RABGAP1L: variants seen among roughly 807,000 people sequenced by gnomAD.
The protein encoded by RABGAP1L is RAB GTPase activating protein 1 like, also known as rab GTPase-activating protein 1-like.
In RABGAP1L, 63 loss-of-function variants were observed where a neutral mutation model predicts 137.7. The ratio of observed to expected loss-of-function variants is 0.46; its 90% CI spans 0.37 to 0.56. RABGAP1L has a LOEUF of 0.56. Ranked by LOEUF, RABGAP1L falls within the 20% of genes least tolerant of loss-of-function variation. The probability of loss-of-function intolerance (pLI) is 0.00; values close to 1 mark genes in which losing one functional copy is unlikely to be tolerated. For missense variants in RABGAP1L, 1,095 were observed against 1,244.0 expected (o/e 0.88, Z 1.80); for synonymous variants, 431 against 433.7 (o/e 0.99, Z 0.08).
intron 14 of RABGAP1L, among the ~76,000 whole-genome samples, chr1:174,642,449 A>G (rs1674602904): frequency 6.6e-6 from 1 of 152,188 alleles, no homozygotes; most frequent in Non-Finnish European, 1.5e-5. Context: ...ATGTAATCAT[A>G]CATTATTTAT....
rs201936174 is a variant in RABGAP1L at position 174,483,819 on chromosome 1, C to CAA, written c.1710+89687_1710+89688dup. Among the ~76,000 whole-genome samples, 630 of 132,960 alleles carry CAA rather than the reference C, an allele frequency of 4.7e-3. 1 individual carries two copies. Among genetic ancestry groups the CAA allele is most frequent in the Middle Eastern group, 0.013 (3 of 236 alleles). 87.2% of individuals were successfully genotyped at this position (132,960 alleles called of 152,430 possible). A position where few individuals can be genotyped will look rare whatever the true frequency, so the allele number is the denominator to read the frequency against. On this transcript the variant is annotated intron_variant, in intron 13 of 25. Transcript: ENST00000681986. ...ACCAGCCTGAGTGACAACTCCATCTCAAAAAAAAAAAAAATCTTGGTTATT... is the reference window on the plus strand; with the variant it reads ...ACCAGCCTGAGTGACAACTCCATCTCAAAAAAAAAAAAAAAATCTTGGTTATT...
At chr1:174,557,073 T>C (rs922006967) in intron 13 of RABGAP1L, among the ~76,000 whole-genome samples, 4 of 152,184 alleles carry the variant, frequency 2.6e-5, no homozygotes, top group African/African-American at 7.2e-5. Context: ...GCATGCAAAT[T>C]TCTGTGGCTG....
At chr1:174,383,325 G>A (rs1220394033) in intron 12 of RABGAP1L, among the ~76,000 whole-genome samples, 3 of 144,522 alleles carry the variant, frequency 2.1e-5, no homozygotes, top group Admixed American at 6.9e-5. Flanking sequence ...CACCCAGTTC[G>A]AGCTTCCTGG....
intron 12 of RABGAP1L, among the ~76,000 whole-genome samples, chr1:174,371,306 CT>C: frequency 6.6e-6 from 1 of 152,010 alleles, no homozygotes; most frequent in South Asian, 2.1e-4. Context: ...TAGAAGATGT[CT>C]TTGTCTTATT....
At chr1:174,515,500 G>A (rs4652511) in intron 13 of RABGAP1L, among the ~76,000 whole-genome samples, 53,463 of 145,136 alleles carry the variant, frequency 0.37, 12,627 homozygotes, top group African/African-American at 0.67. Context: ...ACAAGTTTTG[G>A]GAGATCTTAA....
intron 13 of RABGAP1L, among the ~76,000 whole-genome samples, chr1:174,625,796 G>A (rs1403157793): frequency 1.3e-5 from 2 of 152,090 alleles, no homozygotes; most frequent in Non-Finnish European, 2.9e-5. Flanking sequence ...ATTATAAACT[G>A]TAATAATTAG....
chr1:174,222,046 T>G (rs931395159), intron 3 of RABGAP1L, among the ~76,000 whole-genome samples: 1 of 150,960 alleles, frequency 6.6e-6, no homozygotes, highest in Non-Finnish European at 1.5e-5. Flanking sequence ...ACCAGGCCGG[T>G]CTTGAATTCC....
chr1:174,272,156 T>C (rs1434792128), intron 7 of RABGAP1L, among the ~76,000 whole-genome samples: 1 of 151,978 alleles, frequency 6.6e-6, no homozygotes, highest in African/African-American at 2.4e-5. Flanking sequence ...ATTAACAACT[T>C]ATGGCCACTT....
chr1:174,713,156 G>C (rs1373954000), intron 17 of RABGAP1L, among the ~76,000 whole-genome samples: 1 of 152,160 alleles, frequency 6.6e-6, no homozygotes. Context: ...CTCACTTCTA[G>C]AAGTAAAACA....
intron 11 of RABGAP1L, among the ~76,000 whole-genome samples, chr1:174,321,532 G>T (rs1484542916): frequency 6.6e-6 from 1 of 152,048 alleles, no homozygotes; most frequent in Non-Finnish European, 1.5e-5. Flanking sequence ...TTATTTCTCA[G>T]ACCGGCCAAC....
chr1:174,746,762 A>G lies in RABGAP1L; in HGVS notation c.2170-5551A>G, dbSNP rs148114233. ...ACTTATTAGCTATTGGACTTAGGAAAGTTACTTTGATTTCTCTAAATCTTG... is the reference window on the plus strand; with the variant it reads ...ACTTATTAGCTATTGGACTTAGGAAGGTTACTTTGATTTCTCTAAATCTTG... On this transcript the variant is annotated intron_variant, in intron 17 of 25. Transcript: ENST00000681986. Among the ~76,000 whole-genome samples the G allele has an allele frequency of 5.3e-4, 81 of 152,332 alleles. 2 individuals carry two copies. Among genetic ancestry groups the G allele is most frequent in the African/African-American group, 1.9e-3 (79 of 41,584 alleles).
intron 14 of RABGAP1L, among the ~76,000 whole-genome samples, chr1:174,640,275 GATAGCTCACAAATA>G (rs1198326040): frequency 1.3e-5 from 2 of 152,126 alleles, no homozygotes; most frequent in Admixed American, 1.3e-4. Context: ...TAAGTTTGAT[GATAGCTCACAAATA>G]GGATAGCATA....
At chr1:174,887,983 G>A (rs1655450167) in intron 19 of RABGAP1L, among the ~76,000 whole-genome samples, 1 of 152,012 alleles carries the variant, frequency 6.6e-6, no homozygotes, top group Non-Finnish European at 1.5e-5. Context: ...GTTGCAGTGA[G>A]CTGAGATCAC....
chr1:174,351,758 T>C (rs1683209551), intron 11 of RABGAP1L, among the ~76,000 whole-genome samples: 1 of 151,134 alleles, frequency 6.6e-6, no homozygotes. Context: ...TATTTTTATC[T>C]TTCTCTACGT....
intron 1 of RABGAP1L, among the ~76,000 whole-genome samples, chr1:174,197,843 T>TA (rs1297636415): frequency 6.6e-6 from 1 of 152,096 alleles, no homozygotes; most frequent in Non-Finnish European, 1.5e-5. Context: ...TAGATATTCT[T>TA]AGAGTTCTGG....
intron 19 of RABGAP1L, among the ~76,000 whole-genome samples, chr1:174,869,758 G>A (rs747795820): frequency 2.1e-4 from 32 of 151,960 alleles, no homozygotes; most frequent in Admixed American, 4.6e-4. Context: ...TAGATCATGC[G>A]GGTTAAGTTC....
intron 13 of RABGAP1L, among the ~76,000 whole-genome samples, chr1:174,502,246 A>C (rs1280424903): frequency 2.0e-5 from 3 of 151,738 alleles, no homozygotes; most frequent in Non-Finnish European, 4.4e-5. Flanking sequence ...TTAGCAACCA[A>C]ATTTATATTA....
chr1:174,674,946 A>T (rs373343246), intron 14 of RABGAP1L, among the ~76,000 whole-genome samples: 33 of 151,858 alleles, frequency 2.2e-4, no homozygotes, highest in Middle Eastern at 3.4e-3. Context: ...TTTGTTTTTT[A>T]CTTGTAAATT....
At chr1:174,563,152 A>G (rs1023444186) in intron 13 of RABGAP1L, among the ~76,000 whole-genome samples, 3 of 152,198 alleles carry the variant, frequency 2.0e-5, no homozygotes, top group Non-Finnish European at 4.4e-5. Context: ...TCTTTACCAC[A>G]AAAGTTTTTC....
Sources: gnomAD v4.1 joint callset for allele counts (sites outside exome capture counted in the v4.1 genomes callset) on GRCh38, gnomAD v4.1.1 for gene constraint, MANE v1.5 for transcripts, NCBI Gene and HGNC (gene_info 2026-07-23, HGNC 2026-07-21) for gene names.